The following RBFOX1 variants were observed in gnomAD, a reference collection of about 807,000 sequenced individuals.
The protein encoded by RBFOX1 is RNA binding fox-1 homolog 1, also known as RNA binding protein fox-1 homolog 1.
In RBFOX1, 8 loss-of-function variants were observed where a neutral mutation model predicts 57.7. The observed-to-expected ratio is 0.14, with a 90% confidence interval of 0.08 to 0.25. RBFOX1 has a LOEUF of 0.25. Among genes scored for constraint, RBFOX1 ranks in the 10% least tolerant of loss-of-function variants. RBFOX1 has a pLI of 1.00. For missense variants in RBFOX1, 611 were observed against 548.5 expected (o/e 1.11, Z -1.14); for synonymous variants, 326 against 222.4 (o/e 1.47, Z -4.15).
intron 4 of RBFOX1, among the ~76,000 whole-genome samples, chr16:7,208,528 C>T (rs992649897): frequency 6.6e-6 from 1 of 152,078 alleles, no homozygotes; most frequent in African/African-American, 2.4e-5. Context: ...GGGGAGGAGC[C>T]AGGCTCTTTT....
chr16:7,616,204 A>G (rs779799826), intron 10 of RBFOX1, among the ~76,000 whole-genome samples: 1 of 152,224 alleles, frequency 6.6e-6, no homozygotes, highest in Non-Finnish European at 1.5e-5. Flanking sequence ...TAACAAAAGG[A>G]TACAGATGAA....
At chr16:7,619,459 T>G (rs921564635) in intron 10 of RBFOX1, among the ~76,000 whole-genome samples, 1 of 151,906 alleles carries the variant, frequency 6.6e-6, no homozygotes, top group African/African-American at 2.4e-5. Context: ...GTGACGTGTA[T>G]TTTCTACTCT....
chr16:6,597,943 G>C (rs554052880), intron 2 of RBFOX1, among the ~76,000 whole-genome samples: 1 of 152,318 alleles, frequency 6.6e-6, no homozygotes, highest in South Asian at 2.1e-4. Flanking sequence ...CAGAAAAGTA[G>C]AAGGAACTTT....
At chr16:7,515,343 A>C (rs2076129685) in intron 4 of RBFOX1, among the ~76,000 whole-genome samples, 1 of 152,062 alleles carries the variant, frequency 6.6e-6, no homozygotes, top group Non-Finnish European at 1.5e-5. Flanking sequence ...CAAAGGGTAC[A>C]AAGTGTCAGT....
intron 14 of RBFOX1, among the ~76,000 whole-genome samples, chr16:7,677,714 A>G (rs1242956228): frequency 3.9e-5 from 6 of 152,212 alleles, no homozygotes; most frequent in African/African-American, 1.4e-4. Context: ...CACAAATGTC[A>G]TTGAGGGTGC....
chr16:7,554,222 G>A (rs2087559754), intron 5 of RBFOX1, among the ~76,000 whole-genome samples: 1 of 152,206 alleles, frequency 6.6e-6, no homozygotes, highest in Admixed American at 6.5e-5. Flanking sequence ...CGAGCTAGGG[G>A]AACAAAGAGT....
At chr16:6,151,350 A>G (rs1473971240) in intron 1 of RBFOX1, among the ~76,000 whole-genome samples, 4 of 152,034 alleles carry the variant, frequency 2.6e-5, no homozygotes, top group African/African-American at 9.7e-5. Context: ...CAGTGGCACG[A>G]TCTCGGCTCA....
chr16:6,829,600 C>T (rs978403400), intron 3 of RBFOX1, among the ~76,000 whole-genome samples: 31 of 151,418 alleles, frequency 2.0e-4, no homozygotes, highest in Middle Eastern at 3.4e-3. Flanking sequence ...AATGTATTTT[C>T]TTTTTTCTTT....
intron 4 of RBFOX1, among the ~76,000 whole-genome samples, chr16:7,248,003 C>T (rs1182620660): frequency 6.6e-6 from 1 of 152,056 alleles, no homozygotes; most frequent in Non-Finnish European, 1.5e-5. Flanking sequence ...CAAGTTTACC[C>T]AAATAACAAA....
At chr16:6,893,544 C>G (rs767321881) in intron 3 of RBFOX1, among the ~76,000 whole-genome samples, 20 of 152,108 alleles carry the variant, frequency 1.3e-4, no homozygotes, top group Admixed American at 2.6e-4. Context: ...AGTTCTGAAT[C>G]AAACCAAGTC....
At chr16:5,741,029 G>C (rs1197081540) in intron 3 of RBFOX1, among the ~76,000 whole-genome samples, 1 of 152,104 alleles carries the variant, frequency 6.6e-6, no homozygotes, top group Non-Finnish European at 1.5e-5. Context: ...TCTATGTCTT[G>C]GTACTATTAT....
chr16:7,149,483 C>T (rs1405077662), intron 4 of RBFOX1, among the ~76,000 whole-genome samples: 1 of 122,274 alleles, frequency 8.2e-6, no homozygotes. Flanking sequence ...TCTTTCTTTC[C>T]TTTTTTTTTT....
chr16:5,884,780 G>C (rs1315830766), intron 4 of RBFOX1, among the ~76,000 whole-genome samples: 1 of 152,092 alleles, frequency 6.6e-6, no homozygotes, highest in Non-Finnish European at 1.5e-5. Flanking sequence ...GTGGGTAGAT[G>C]GTGTAGTTGA....
At chr16:5,853,805 G>C (rs2056956991) in intron 3 of RBFOX1, among the ~76,000 whole-genome samples, 1 of 152,078 alleles carries the variant, frequency 6.6e-6, no homozygotes, top group Admixed American at 6.5e-5. Flanking sequence ...ACCCAGGCTG[G>C]AGTATAGCGG....
intron 4 of RBFOX1, among the ~76,000 whole-genome samples, chr16:7,171,841 C>G (rs576977106): frequency 6.6e-6 from 1 of 152,222 alleles, no homozygotes; most frequent in African/African-American, 2.4e-5. Flanking sequence ...TTTTGCTTAT[C>G]GCATAGTTTA....
chr16:6,604,101 C>T (rs1357943728), intron 2 of RBFOX1, among the ~76,000 whole-genome samples: 3 of 152,038 alleles, frequency 2.0e-5, no homozygotes, highest in Admixed American at 6.6e-5. Flanking sequence ...TTCCTCTACC[C>T]CATCTGCTTC....
intron 4 of RBFOX1, among the ~76,000 whole-genome samples, chr16:7,367,816 G>A (rs1329201081): frequency 6.6e-6 from 1 of 151,792 alleles, no homozygotes; most frequent in African/African-American, 2.4e-5. Flanking sequence ...GATTTTTGTG[G>A]GGATATTCAT....
intron 2 of RBFOX1, among the ~76,000 whole-genome samples, chr16:6,401,031 C>T (rs1231806157): frequency 6.6e-6 from 1 of 152,156 alleles, no homozygotes; most frequent in African/African-American, 2.4e-5. Context: ...GTAATCAGCA[C>T]AACTAGCTCC....
At chr16:6,834,421 G>C (rs2092937594) in intron 3 of RBFOX1, among the ~76,000 whole-genome samples, 2 of 152,110 alleles carry the variant, frequency 1.3e-5, no homozygotes, top group South Asian at 4.1e-4. Context: ...GCTATTGGGA[G>C]AACACTTGTT....
Sources: allele counts gnomAD v4.1 joint callset (sites outside exome capture counted in the v4.1 genomes callset), GRCh38; gene constraint gnomAD v4.1.1; transcripts MANE v1.5; gene names NCBI Gene and HGNC (gene_info 2026-07-23, HGNC 2026-07-21).